The following INSYN2A variants were observed in gnomAD, a reference collection of about 807,000 sequenced individuals.
The protein encoded by INSYN2A is family with sequence similarity 196 member A.
In INSYN2A, 17 loss-of-function variants were observed where a neutral mutation model predicts 39.4. The observed-to-expected ratio is 0.43, with a 90% CI of 0.30 to 0.65. INSYN2A has a LOEUF of 0.65. Among genes scored for constraint, INSYN2A ranks in the 30% least tolerant of loss-of-function variants. The pLI is 0.14. For missense variants in INSYN2A, 595 were observed against 631.2 expected, an observed-to-expected ratio of 0.94 and a Z score of 0.61; for synonymous variants, 255 against 265.7, an observed-to-expected ratio of 0.96 and a Z score of 0.39.
chr10:127,142,481 C>T (rs2051359196), intron 5 of INSYN2A, among the ~76,000 whole-genome samples: 1 of 152,142 alleles, frequency 6.6e-6, no homozygotes, highest in Admixed American at 6.5e-5. Flanking sequence ...GAGCAGCAGC[C>T]TGGAAAAAGT....
intron 4 of INSYN2A, among the ~76,000 whole-genome samples, chr10:127,163,883 C>T (rs1246330872): frequency 7.0e-6 from 1 of 142,544 alleles, no homozygotes; most frequent in Non-Finnish European, 1.5e-5. Context: ...CAGTGGCTTT[C>T]TTTCGATGGT....
chr10:127,154,101 A>G (rs775320205), intron 4 of INSYN2A, among the ~76,000 whole-genome samples, 178 bp from the exon 5 acceptor site: 21 of 152,244 alleles, frequency 1.4e-4, no homozygotes, highest in Admixed American at 1.2e-3. Context: ...AAACCAATGC[A>G]ACACCTACAG....
intron 5 of INSYN2A, among the ~76,000 whole-genome samples, chr10:127,151,536 G>C (rs1221531237): frequency 2.0e-5 from 3 of 152,124 alleles, no homozygotes; most frequent in African/African-American, 7.2e-5. Context: ...ACCTCTTCTA[G>C]AATGCCTCTC....
intron 5 of INSYN2A, among the ~76,000 whole-genome samples, chr10:127,143,006 T>C (rs558248037): frequency 6.6e-6 from 1 of 152,310 alleles, no homozygotes; most frequent in African/African-American, 2.4e-5. Flanking sequence ...GTGCTAGGCT[T>C]TGTAGTAACA....
At position 127,143,055 on chromosome 10, in the gene INSYN2A, T is replaced by C. The variant is rs10829480; in HGVS notation, c.1257-5035A>G. 6.6e-3 allele frequency among the ~76,000 whole-genome samples: 1,002 copies of C among 152,326 alleles called. 4 individuals are homozygous for C. The highest frequency in any genetic ancestry group is 0.012 in the Admixed American group (177 of 15,306). On this transcript the variant is annotated intron_variant, in intron 5 of 5. Coordinates refer to ENST00000522781, the MANE Select transcript of INSYN2A (RefSeq NM_001039762.3). ...CCGCATGTGATTTTGCAGAGCGGCA[T>C]CCTTCTTGCTTCTCCAGCTTATTCT... is the stretch of plus-strand genomic sequence containing the variant.
At chr10:127,185,516 A>G (rs1297004058) in intron 2 of INSYN2A, among the ~76,000 whole-genome samples, 1 of 152,210 alleles carries the variant, frequency 6.6e-6, no homozygotes, top group African/African-American at 2.4e-5. Context: ...TCTTAACACT[A>G]TACATCACAG....
At chr10:127,192,056 G>A (rs2056792287) in intron 2 of INSYN2A, among the ~76,000 whole-genome samples, 1 of 152,168 alleles carries the variant, frequency 6.6e-6, no homozygotes, top group Non-Finnish European at 1.5e-5. Flanking sequence ...ATTTTGATAT[G>A]GTGGGGTTTT....
chr10:127,195,814 G>C (rs887868500), intron 1 of INSYN2A, among the ~76,000 whole-genome samples, 183 bp downstream of exon 1: 5 of 152,130 alleles, frequency 3.3e-5, no homozygotes, highest in African/African-American at 1.2e-4. Context: ...ACCGCACCGG[G>C]TCCGCTCCCG....
At chr10:127,186,500 A>AG (rs199537890) in intron 2 of INSYN2A, among the ~76,000 whole-genome samples, 88 of 45,386 alleles carry the variant, frequency 1.9e-3, no homozygotes, top group African/African-American at 3.5e-3. Flanking sequence ...ACAGCATGGG[A>AG]GAAACCGCCC....
intron 2 of INSYN2A, among the ~76,000 whole-genome samples, 158 bp downstream of exon 2, chr10:127,192,447 C>T (rs12269277): frequency 0.14 from 22,056 of 152,228 alleles, 1,884 homozygotes; most frequent in African/African-American, 0.23. Context: ...GAAAGAGACA[C>T]ATTTGTCAGG....
rs374044414 is a variant in INSYN2A, at chr10:127,137,899, G to A, written c.1378C>T (p.Pro460Ser). The A allele has an allele frequency of 3.1e-6, 5 of 1,614,030 alleles. No homozygotes were observed. The highest frequency in any genetic ancestry group is 8.5e-7 in the Non-Finnish European group (1 of 1,180,022). ...GATTCAGTTTTGGATTTTTGCTTGGGAGTTGAGGAGTAAGTCTCCTGAGAG... is the reference window on the plus strand; with the variant it reads ...GATTCAGTTTTGGATTTTTGCTTGGAAGTTGAGGAGTAAGTCTCCTGAGAG... Reference protein sequence around the residue: ...PYSQETYSSTPKQKSKTESKK... With the variant: ...PYSQETYSSTSKQKSKTESKK... Residue 460 changes from proline (P) to serine (S), a missense_variant, in exon 6 of 6, where the codon CCC becomes TCC. Pro to Ser is a moderately conservative substitution (Grantham distance 74). Coordinates refer to ENST00000522781, the MANE Select transcript of INSYN2A (RefSeq NM_001039762.3).
At chr10:127,174,729 A>G (rs1417076323) in intron 4 of INSYN2A, among the ~76,000 whole-genome samples, 1 of 152,144 alleles carries the variant, frequency 6.6e-6, no homozygotes, top group Non-Finnish European at 1.5e-5. Context: ...CTGAATACCA[A>G]TATTATTTCA....
intron 5 of INSYN2A, among the ~76,000 whole-genome samples, chr10:127,152,191 C>G (rs922251813): frequency 1.3e-5 from 2 of 152,172 alleles, no homozygotes; most frequent in Non-Finnish European, 2.9e-5. Context: ...GCCAGGTCAT[C>G]TACACTCTGC....
intron 1 of INSYN2A, among the ~76,000 whole-genome samples, chr10:127,194,900 A>T (rs1256617328): frequency 2.0e-5 from 1 of 50,512 alleles, no homozygotes; most frequent in East Asian, 7.2e-4. Context: ...GGTCAAAGTA[A>T]ACCGCTTCAC....
At position 127,193,626 on chromosome 10, in the gene INSYN2A, C is replaced by T. The variant is rs188969531; in HGVS notation, c.-394-896G>A. Among the ~76,000 whole-genome samples, 17 of 152,340 alleles carry T rather than the reference C, an allele frequency of 1.1e-4. No homozygotes were observed. In the East Asian group the frequency reaches 2.3e-3, roughly 21 times the overall value. ...ACGGGTCTGTCCTGCCACTCCACTG[C>T]GATCCGTTGTTATTTCTGAGAATCA... On this transcript the variant is annotated intron_variant, in intron 1 of 5. Transcript: ENST00000522781.
Position 127,137,567 on chromosome 10 carries a change from T to A in INSYN2A, c.*270A>T, listed in dbSNP as rs1168184493. 1.1e-5 allele frequency: 4 copies of A among 348,060 alleles called. No individual in the cohort carries two copies. Among genetic ancestry groups the A allele is most frequent in the Non-Finnish European group, 2.1e-5 (4 of 193,290 alleles). The allele number at this position is 348,060 out of a possible 1,614,324, so 21.6% of individuals were successfully genotyped here. The stretch of plus-strand genomic sequence containing the variant: ...CAGATCGGGGGTGGGGGAAAATTTT[T>A]ACTTATCATCTTTGACTACGTAAGT... On this transcript the variant is annotated 3_prime_UTR_variant, in exon 6 of 6. Coordinates refer to ENST00000522781, the MANE Select transcript of INSYN2A (RefSeq NM_001039762.3).
At position 127,175,391 on chromosome 10, in the gene INSYN2A, A is replaced by C. The variant is rs1174920244; in HGVS notation, c.1005T>G (p.Pro335=). Residue 335 remains proline (P), a synonymous_variant, in exon 4 of 6, where the codon CCT becomes CCG. Transcript: ENST00000522781. This position sits in a 1 kb window ranked among gnomAD's most constrained non-coding sequence, Gnocchi z 6.3. The stretch of plus-strand genomic sequence containing the variant: ...CACCTGCAGCAACCGCTGTGGGACT[A>C]GGCTGGTTCCCCAGCCCCGGCGGGG... The part of the protein sequence containing the change: ...THTPPGLGNQ[P]SPTAVAAGEE... The C allele has an allele frequency of 6.2e-7, 1 of 1,613,876 alleles. No individual in the cohort carries two copies. Among genetic ancestry groups the C allele is most frequent in the Admixed American group, 1.7e-5 (1 of 60,024 alleles).
chr10:127,195,381 G>A (rs1049949626), intron 1 of INSYN2A, among the ~76,000 whole-genome samples: 2 of 152,166 alleles, frequency 1.3e-5, no homozygotes, highest in Non-Finnish European at 2.9e-5. Context: ...GAAGCCCCGC[G>A]GCGCCGACCC....
intron 4 of INSYN2A, among the ~76,000 whole-genome samples, chr10:127,158,410 TTTGGATCACAAATTATAAATTTTCTGTC>T (rs1281283056): frequency 1.3e-5 from 2 of 152,198 alleles, no homozygotes; most frequent in African/African-American, 4.8e-5. Context: ...TGGAAGAACA[TTTGGATCACAAATTATAAATTTTCTGTC>T]TTGCAGATTA....
Sources: allele counts gnomAD v4.1 joint callset (sites outside exome capture counted in the v4.1 genomes callset), GRCh38; gene constraint gnomAD v4.1.1; non-coding constraint Gnocchi (gnomAD v3.1); transcripts MANE v1.5; gene names NCBI Gene and HGNC (gene_info 2026-07-23, HGNC 2026-07-21).